EXT1: variants seen among roughly 807,000 people sequenced by gnomAD.
The protein encoded by EXT1 is exostosin-1.
EXT1 carries 20 observed loss-of-function variants against 82.5 expected under a neutral mutation model. That is an observed-to-expected ratio of 0.24 (90% confidence interval 0.17 to 0.35). EXT1 has a LOEUF of 0.35. Ranked by LOEUF, EXT1 falls within the 10% of genes least tolerant of loss-of-function variation. The pLI, the probability that EXT1 is intolerant of heterozygous loss-of-function variation, is 1.00. For synonymous variants in EXT1, 348 were observed against 350.8 expected (o/e 0.99, Z 0.09); for missense variants, 757 against 936.5 (o/e 0.81, Z 2.50).
rs1314531584 is a variant in EXT1, at chr8:118,016,446, G to A, written c.962+93639C>T. Among the ~76,000 whole-genome samples the A allele has an allele frequency of 2.0e-5, 3 of 152,190 alleles. No individual in the cohort carries two copies. In the East Asian group the frequency reaches 5.8e-4, roughly 29 times the overall value. On this transcript the variant is annotated intron_variant, in intron 1 of 10. Transcript: ENST00000378204. ...ACTCCGTTTGTGGTACTTTGTTACA[G>A]CAGCCTTGGGAAATGAATGCAGTAG...
At chr8:118,070,799 G>A (rs746465964) in intron 1 of EXT1, among the ~76,000 whole-genome samples, 1 of 152,128 alleles carries the variant, frequency 6.6e-6, no homozygotes, top group Non-Finnish European at 1.5e-5. Context: ...GCAAATGGAA[G>A]CTATGTGTAA....
At chr8:117,894,476 A>G (rs1011845342) in intron 1 of EXT1, among the ~76,000 whole-genome samples, 8 of 152,180 alleles carry the variant, frequency 5.3e-5, no homozygotes, top group African/African-American at 1.9e-4. Context: ...ACGCTGTTAT[A>G]ATGAACAGAA....
intron 1 of EXT1, among the ~76,000 whole-genome samples, chr8:118,071,972 A>C (rs184810385): frequency 6.6e-6 from 1 of 152,290 alleles, no homozygotes; most frequent in East Asian, 1.9e-4. Flanking sequence ...AGTAGGTTAA[A>C]AGAAGCCAGG....
chr8:117,958,969 G>A (rs1002477097), intron 1 of EXT1, among the ~76,000 whole-genome samples: 9 of 152,088 alleles, frequency 5.9e-5, no homozygotes, highest in Non-Finnish European at 1.2e-4. Flanking sequence ...CAAGCAATAG[G>A]TTGGGTTTTT....
chr8:117,893,308 T>G (rs1309188760), intron 1 of EXT1, among the ~76,000 whole-genome samples: 4 of 152,174 alleles, frequency 2.6e-5, no homozygotes, highest in African/African-American at 9.7e-5. Context: ...ACATGAGCAT[T>G]TTCCAATCTA....
chr8:117,989,000 G>A (rs1815379111), intron 1 of EXT1, among the ~76,000 whole-genome samples: 1 of 149,786 alleles, frequency 6.7e-6, no homozygotes, highest in South Asian at 2.1e-4. Flanking sequence ...GCTGAGGCAG[G>A]AGGATCAATG....
chr8:117,939,671 A>C (rs1251552197), intron 1 of EXT1, among the ~76,000 whole-genome samples: 1 of 152,210 alleles, frequency 6.6e-6, no homozygotes, highest in Non-Finnish European at 1.5e-5. Context: ...TGGAGCTGGA[A>C]TTTGACTTCA....
chr8:117,990,119 G>A (rs1374777783), intron 1 of EXT1, among the ~76,000 whole-genome samples: 1 of 152,114 alleles, frequency 6.6e-6, no homozygotes, highest in African/African-American at 2.4e-5. Context: ...GCTGTTATGA[G>A]CAGAGATTGC....
At position 117,796,535 on chromosome 8, in the gene EXT1, A is replaced by G. The variant is rs1377437716; in HGVS notation, c.*3177T>C. Reference sequence around the variant, plus strand: ...GCTAACATAGCCTACTGTAATGAAAACCAAAAGTCATTCTAAAAGGGAAAT... The same window carrying G: ...GCTAACATAGCCTACTGTAATGAAAGCCAAAAGTCATTCTAAAAGGGAAAT... On this transcript the variant is annotated 3_prime_UTR_variant, in exon 11 of 11. Coordinates refer to ENST00000378204, the MANE Select transcript of EXT1 (RefSeq NM_000127.3). 1 of 152,158 alleles carries G rather than the reference A, an allele frequency of 6.6e-6. No individual in the cohort carries two copies. The highest frequency in any genetic ancestry group is 1.5e-5 in the Non-Finnish European group (1 of 68,022). 9.4% of individuals were successfully genotyped at this position (152,158 alleles called of 1,614,324 possible). A position where few individuals can be genotyped will look rare whatever the true frequency, so the allele number is the denominator to read the frequency against.
chr8:117,823,120 T>C (rs754710060), intron 4 of EXT1, among the ~76,000 whole-genome samples: 28 of 152,166 alleles, frequency 1.8e-4, no homozygotes, highest in Non-Finnish European at 2.8e-4. Flanking sequence ...TCATATTTCA[T>C]TTTCCTTTCA....
chr8:118,092,682 T>C lies in EXT1; in HGVS notation c.962+17403A>G, dbSNP rs28357322. 2.2e-3 allele frequency among the ~76,000 whole-genome samples: 336 copies of C among 152,322 alleles called. 11 individuals carry two copies. The East Asian group carries it at 0.063, about 29-fold the overall frequency. ...GGACTTTCGAAAGTCCCTCCGCACG[T>C]GTTGGAAATCAACTCTTAGATTACC... On this transcript the variant is annotated intron_variant, in intron 1 of 10. Coordinates refer to ENST00000378204, the MANE Select transcript of EXT1 (RefSeq NM_000127.3).
At chr8:117,834,727 G>C (rs969475692) in intron 3 of EXT1, among the ~76,000 whole-genome samples, 5 of 152,022 alleles carry the variant, frequency 3.3e-5, no homozygotes, top group Admixed American at 2.6e-4. Context: ...GTAATTCAAA[G>C]ATAAAGTGTA....
At chr8:118,009,934 G>T (rs1440519957) in intron 1 of EXT1, among the ~76,000 whole-genome samples, 1 of 152,138 alleles carries the variant, frequency 6.6e-6, no homozygotes, top group Non-Finnish European at 1.5e-5. Flanking sequence ...AAACAAGGAG[G>T]TCTTCAACTG....
At chr8:117,917,720 AGAG>A (rs899762318) in intron 1 of EXT1, among the ~76,000 whole-genome samples, 9 of 152,180 alleles carry the variant, frequency 5.9e-5, no homozygotes, top group African/African-American at 2.2e-4. Flanking sequence ...TCTCCACTGT[AGAG>A]AAGACAGAAC....
chr8:117,854,849 G>A (rs1416426520), intron 1 of EXT1, among the ~76,000 whole-genome samples: 1 of 152,168 alleles, frequency 6.6e-6, no homozygotes, highest in Non-Finnish European at 1.5e-5. Context: ...ATAGCCCTCT[G>A]AATCTGAAGT....
chr8:117,936,942 C>T (rs1410417536), intron 1 of EXT1, among the ~76,000 whole-genome samples: 3 of 152,124 alleles, frequency 2.0e-5, no homozygotes, highest in Admixed American at 1.3e-4. Context: ...GGAATGTCTT[C>T]TAGATGTGGC....
At chr8:117,987,229 C>T (rs1815341482) in intron 1 of EXT1, among the ~76,000 whole-genome samples, 2 of 152,206 alleles carry the variant, frequency 1.3e-5, no homozygotes, top group Admixed American at 6.5e-5. Context: ...CAAACCTGCT[C>T]GGGCTGGTCC....
chr8:118,102,159 C>T (rs1379715280), intron 1 of EXT1, among the ~76,000 whole-genome samples: 2 of 151,826 alleles, frequency 1.3e-5, no homozygotes, highest in Non-Finnish European at 2.9e-5. Flanking sequence ...CCCATCTACT[C>T]GGGAGGCTGA....
intron 1 of EXT1, among the ~76,000 whole-genome samples, chr8:117,915,198 T>C (rs1586282356): frequency 6.6e-6 from 1 of 152,198 alleles, no homozygotes; most frequent in East Asian, 1.9e-4. Flanking sequence ...GGGGGCGGGT[T>C]CCCCTGATAT....
Sources: allele counts gnomAD v4.1 joint callset (sites outside exome capture counted in the v4.1 genomes callset), GRCh38; gene constraint gnomAD v4.1.1; transcripts MANE v1.5; gene names NCBI Gene and HGNC (gene_info 2026-07-23, HGNC 2026-07-21).